Variants in TAFA5 observed in about 807,000 individuals in gnomAD.
The protein encoded by TAFA5 is chemokine-like protein TAFA-5.
TAFA5 carries 6 observed loss-of-function variants against 15.3 expected under a neutral mutation model. That is an observed-to-expected ratio of 0.39 (90% CI 0.21 to 0.77). The LOEUF (loss-of-function observed/expected upper bound fraction) is 0.77, where lower values mean the gene tolerates loss of function less well. Ranked by LOEUF, TAFA5 falls within the 30% of genes least tolerant of loss-of-function variation. The pLI, the probability that TAFA5 is intolerant of heterozygous loss-of-function variation, is 0.41. For missense variants in TAFA5, 161 were observed against 193.1 expected, an observed-to-expected ratio of 0.83 and a Z score of 0.98; for synonymous variants, 103 against 80.7, an observed-to-expected ratio of 1.28 and a Z score of -1.48.
intron 1 of TAFA5, among the ~76,000 whole-genome samples, chr22:48,526,714 A>G (rs1921794176): frequency 6.6e-6 from 1 of 152,250 alleles, no homozygotes; most frequent in African/African-American, 2.4e-5. Flanking sequence ...CGTGAGAAGA[A>G]TGAGTTAATC....
chr22:48,494,404 T>G (rs779036029), intron 1 of TAFA5, among the ~76,000 whole-genome samples: 10 of 152,164 alleles, frequency 6.6e-5, no homozygotes, highest in South Asian at 4.1e-4. Context: ...GCCCCAGCAT[T>G]CAGGGTGGAG....
At chr22:48,689,633 C>G (rs1252097100) in intron 2 of TAFA5, among the ~76,000 whole-genome samples, 1 of 140,502 alleles carries the variant, frequency 7.1e-6, no homozygotes, top group Non-Finnish European at 1.6e-5. Context: ...AGTTTGGGGT[C>G]CTAGGTCACC....
chr22:48,517,493 C>T (rs972374698), intron 1 of TAFA5, among the ~76,000 whole-genome samples: 18 of 152,320 alleles, frequency 1.2e-4, no homozygotes, highest in Non-Finnish European at 1.9e-4. Flanking sequence ...CTGGTGTGAG[C>T]CCAGGCTCCT....
intron 3 of TAFA5, among the ~76,000 whole-genome samples, chr22:48,746,004 C>T (rs1930318478): frequency 6.6e-6 from 1 of 152,160 alleles, no homozygotes. Context: ...GTGTGAGCTG[C>T]ACACACAGGA....
At chr22:48,696,378 TCTC>T (rs1042977946) in intron 2 of TAFA5, among the ~76,000 whole-genome samples, 1 of 152,076 alleles carries the variant, frequency 6.6e-6, no homozygotes, top group Non-Finnish European at 1.5e-5. Flanking sequence ...CCTTCCCTCT[TCTC>T]CTCACTCCTT....
chr22:48,708,132 C>A (rs949918946), intron 3 of TAFA5, among the ~76,000 whole-genome samples: 10 of 152,194 alleles, frequency 6.6e-5, no homozygotes, highest in African/African-American at 2.4e-4. Context: ...GTCTCGAAAC[C>A]CCCTGGTTAG....
intron 2 of TAFA5, among the ~76,000 whole-genome samples, chr22:48,707,197 G>T (rs130141): frequency 0.66 from 98,942 of 150,674 alleles, 33,050 homozygotes; most frequent in Non-Finnish European, 0.72. Flanking sequence ...GGCCAGGGGT[G>T]GTTGTAAAAT....
intron 1 of TAFA5, among the ~76,000 whole-genome samples, chr22:48,593,193 C>G (rs1443046443): frequency 1.3e-5 from 2 of 152,216 alleles, no homozygotes; most frequent in Non-Finnish European, 2.9e-5. Context: ...GAGGCCGAGG[C>G]CAGCCCAGGA....
intron 1 of TAFA5, chr22:48,539,199 C>T (rs1323401035): frequency 3.1e-6 from 1 of 318,558 alleles, no homozygotes; most frequent in African/African-American, 2.2e-5. Flanking sequence ...TGACATTTCT[C>T]CATCTCACTG....
At chr22:48,539,747 T>C (rs1367861140) in intron 1 of TAFA5, among the ~76,000 whole-genome samples, 1 of 152,114 alleles carries the variant, frequency 6.6e-6, no homozygotes, top group East Asian at 1.9e-4. Flanking sequence ...AGGAGAGGGC[T>C]TAATAGCCGC....
chr22:48,526,384 A>C (rs571952389), intron 1 of TAFA5, among the ~76,000 whole-genome samples: 2 of 152,344 alleles, frequency 1.3e-5, no homozygotes, highest in African/African-American at 4.8e-5. Flanking sequence ...TCAGGGGAGC[A>C]GAGTGGGAGC....
chr22:48,569,972 G>T (rs568980533), intron 1 of TAFA5, among the ~76,000 whole-genome samples: 2 of 152,238 alleles, frequency 1.3e-5, no homozygotes, highest in Non-Finnish European at 1.5e-5. Flanking sequence ...ACACATAGCC[G>T]CGGTGCCAGA....
chr22:48,595,983 A>T (rs538466494), intron 1 of TAFA5, among the ~76,000 whole-genome samples: 1 of 152,350 alleles, frequency 6.6e-6, no homozygotes, highest in Admixed American at 6.5e-5. Context: ...TTCTGGAGGA[A>T]TTAGTGGTAT....
chr22:48,736,427 TGA>T lies in TAFA5; in HGVS notation c.391-13409_391-13408del. Among the ~76,000 whole-genome samples the T allele has an allele frequency of 5.5e-5, 2 of 36,498 alleles. 1 individual carries two copies. The highest frequency in any genetic ancestry group is 0.036 in the Middle Eastern group (2 of 56). 23.9% of individuals were successfully genotyped at this position (36,498 alleles called of 152,430 possible). On this transcript the variant is annotated intron_variant, in intron 3 of 3. Transcript: ENST00000402357. ...CTAGAGTCCATCCCCCCAGGAGGAA[TGA>T]GAATCGCACTCCTAGGGTCCATCCC...
At chr22:48,682,808 T>G (rs373433253) in intron 2 of TAFA5, among the ~76,000 whole-genome samples, 34 of 152,288 alleles carry the variant, frequency 2.2e-4, no homozygotes, top group East Asian at 2.1e-3. Flanking sequence ...CGGTTTTTTT[T>G]TGTGCGTGTG....
chr22:48,499,009 T>G (rs1461831731), intron 1 of TAFA5, among the ~76,000 whole-genome samples: 1 of 152,152 alleles, frequency 6.6e-6, no homozygotes, highest in Non-Finnish European at 1.5e-5. Flanking sequence ...GTCCCTTGCC[T>G]CCCGTGACTG....
chr22:48,590,987 G>A (rs1286424140), intron 1 of TAFA5, among the ~76,000 whole-genome samples: 1 of 152,058 alleles, frequency 6.6e-6, no homozygotes, highest in Admixed American at 6.6e-5. Flanking sequence ...GAGTAGCTGG[G>A]ATTACAGGCG....
chr22:48,682,121 A>T (rs1002339754), intron 2 of TAFA5, among the ~76,000 whole-genome samples: 2 of 152,074 alleles, frequency 1.3e-5, no homozygotes, highest in African/African-American at 4.8e-5. Flanking sequence ...ACCCCTGTGG[A>T]TGTGTTCAGA....
At chr22:48,741,460 T>A (rs559381320) in intron 3 of TAFA5, among the ~76,000 whole-genome samples, 1 of 152,362 alleles carries the variant, frequency 6.6e-6, no homozygotes, top group East Asian at 1.9e-4. Flanking sequence ...CTCAAGTCCC[T>A]GAGTCCACAG....
Sources: allele counts gnomAD v4.1 joint callset (sites outside exome capture counted in the v4.1 genomes callset), GRCh38; gene constraint gnomAD v4.1.1; transcripts MANE v1.5; gene names NCBI Gene and HGNC (gene_info 2026-07-23, HGNC 2026-07-21).